The following CKM variants were observed in gnomAD, a reference collection of about 807,000 sequenced individuals.
The protein encoded by CKM is creatine kinase M-type.
Under a neutral mutation model 35.4 loss-of-function variants are expected in CKM, and 28 were observed. The observed-to-expected ratio is 0.79, with a 90% confidence interval of 0.59 to 1.08. CKM has a LOEUF of 1.08. Among genes scored for constraint, CKM ranks in the 50% least tolerant of loss-of-function variants. The pLI, the probability that CKM is intolerant of heterozygous loss-of-function variation, is 0.00. For synonymous variants in CKM, 215 were observed against 204.4 expected, an observed-to-expected ratio of 1.05 and a Z score of -0.44; for missense variants, 484 against 509.8, an observed-to-expected ratio of 0.95 and a Z score of 0.49.
chr19:45,315,848 C>A, intron 3 of CKM, among the ~76,000 whole-genome samples: 1 of 75,418 alleles, frequency 1.3e-5, no homozygotes, highest in Non-Finnish European at 3.7e-5. Flanking sequence ...TATTTCTTTT[C>A]CTTTTTTTTC....
At position 45,307,522 on chromosome 19, in the gene CKM, C is replaced by T. The variant is rs375831711; in HGVS notation, c.906G>A (p.Leu302=). The T allele has an allele frequency of 7.4e-6, 12 of 1,614,052 alleles. No homozygotes were observed. The highest frequency in any genetic ancestry group is 9.3e-6 in the Non-Finnish European group (11 of 1,179,930). Residue 302 remains leucine, a synonymous_variant, in exon 7 of 8, where the codon CTG becomes CTA. Transcript: ENST00000221476. ...RGGVHVKLAH[L]SKHPKFEEIL... ...TCTCCTCGAACTTGGGGTGCTTGCT[C>T]AGGTGCGCCAGCTTCACATGCACGC...
At chr19:45,319,489 A>T (rs774403797) in intron 2 of CKM, 32 bp downstream of exon 2, 2 of 1,578,588 alleles carry the variant, frequency 1.3e-6, no homozygotes, top group South Asian at 2.2e-5. Context: ...GCCCCCATGT[A>T]GCCCCTTCAG....
intron 4 of CKM, among the ~76,000 whole-genome samples, chr19:45,313,954 A>G (rs1422091460): frequency 1.3e-5 from 2 of 151,994 alleles, no homozygotes; most frequent in East Asian, 3.9e-4. Context: ...TAAGCCCAGG[A>G]GTTGGAGGTT....
chr19:45,314,249 C>A (rs1354686937), intron 4 of CKM, among the ~76,000 whole-genome samples: 1 of 152,106 alleles, frequency 6.6e-6, no homozygotes, highest in Non-Finnish European at 1.5e-5. Context: ...GATCAGTCAG[C>A]AGCCCATCAA....
chr19:45,318,268 T>G (rs769477627), intron 2 of CKM, among the ~76,000 whole-genome samples: 3 of 151,438 alleles, frequency 2.0e-5, no homozygotes, highest in Non-Finnish European at 4.4e-5. Flanking sequence ...ATTAGCTGGG[T>G]GTGGGGCACA....
chr19:45,319,852 A>G (rs969053234), intron 1 of CKM, 121 bp from the exon 2 acceptor site: 187 of 750,806 alleles, frequency 2.5e-4, no homozygotes, highest in Non-Finnish European at 6.1e-5. Flanking sequence ...GTGCAGTGGC[A>G]CGATCTCGGC....
In CKM at chr19:45,315,597, C is replaced by A; in HGVS notation, c.349G>T (p.Gly117Cys). The A allele has an allele frequency of 6.2e-7, 1 of 1,603,400 alleles. No homozygotes were observed. The highest frequency in any genetic ancestry group is 8.5e-7 in the Non-Finnish European group (1 of 1,179,922). Residue 117 changes from glycine (G) to cysteine (C), a missense_variant and splice_region_variant, in exon 4 of 8, where the codon GGT becomes TGT. Coordinates refer to ENST00000221476, the MANE Select transcript of CKM (RefSeq NM_001824.5). Reference sequence around the variant, plus strand: ...TAGTTAGGGTCCAGGTCGTCTCCACCCTGGAGAGCGGGTGGGAGATCAGGA... The same window carrying A: ...TAGTTAGGGTCCAGGTCGTCTCCACACTGGAGAGCGGGTGGGAGATCAGGA... ...KTDLNHENLK[G>C]GDDLDPNYVL...
rs1358679379 is a variant in CKM, at chr19:45,317,866, T to C, written c.307A>G (p.Thr103Ala). The change falls in exon 3 of 8, where the codon ACT (threonine) becomes GCT (alanine). Residue 103 changes from threonine (T) to alanine (A), a missense_variant. Coordinates refer to ENST00000221476, the MANE Select transcript of CKM (RefSeq NM_001824.5). Reference protein sequence around the residue: ...ISDRHGGYKPTDKHKTDLNHE... With the variant: ...ISDRHGGYKPADKHKTDLNHE... Reference sequence around the variant, plus strand: ...TTGAGGTCAGTCTTGTGCTTGTCAGTGGGTTTGTAGCCCCCGTGGCGATCC... The same window carrying C: ...TTGAGGTCAGTCTTGTGCTTGTCAGCGGGTTTGTAGCCCCCGTGGCGATCC... 1.9e-6 allele frequency: 3 copies of C among 1,614,000 alleles called. No individual in the cohort carries two copies. The highest frequency in any genetic ancestry group is 1.6e-4 in the Middle Eastern group (1 of 6,062).
At chr19:45,308,597 T>G in intron 5 of CKM, 65 bp from the exon 6 acceptor site, 2 of 1,577,948 alleles carry the variant, frequency 1.3e-6, no homozygotes, top group Non-Finnish European at 8.6e-7. Context: ...TTCCCAGCCC[T>G]CCCCCAAAAC....
chr19:45,322,222 C>CG (rs1568513775), intron 1 of CKM, among the ~76,000 whole-genome samples: 2 of 150,834 alleles, frequency 1.3e-5, no homozygotes, highest in African/African-American at 4.9e-5. Context: ...TGACCCCCCC[C>CG]ACAAGAGACA....
At chr19:45,319,423 G>A (rs940599532) in intron 2 of CKM, 98 bp downstream of exon 2, 10 of 928,394 alleles carry the variant, frequency 1.1e-5, no homozygotes, top group Admixed American at 8.9e-5. Flanking sequence ...TGAGAAAACT[G>A]AGGCCCCCCC....
Position 45,307,708 on chromosome 19 carries a change from G to A in CKM, c.778-58C>T, listed in dbSNP as rs149187786. The A allele has an allele frequency of 2.1e-3, 3,077 of 1,431,640 alleles. 36 individuals carry two copies. In the African/African-American group the frequency reaches 0.023, roughly 11 times the overall value. 88.7% of individuals were successfully genotyped at this position (1,431,640 alleles called of 1,614,324 possible). On this transcript the variant is annotated intron_variant, in intron 6 of 7. Coordinates refer to ENST00000221476, the MANE Select transcript of CKM (RefSeq NM_001824.5). ...CCGGCAGGCACCCCCAAATGCACCC[G>A]CAACATGGACAGGGTCCGGAGGGAC...
intron 6 of CKM, among the ~76,000 whole-genome samples, chr19:45,308,081 G>A (rs1230325970): frequency 6.6e-6 from 1 of 151,974 alleles, no homozygotes; most frequent in Non-Finnish European, 1.5e-5. Flanking sequence ...CACCATGTTG[G>A]CCAGGCTGGT....
chr19:45,310,759 CTTTTTTTTTTTTTTTTTT>C lies in CKM; in HGVS notation c.653+972_653+989del, dbSNP rs3047558. ...CACAGGTATACGCCATCACGCCTGG[CTTTTTTTTTTTTTTTTTT>C]TTTTTTTTTTTTTTGAGACGGAGTC... is the stretch of plus-strand genomic sequence containing the variant. On this transcript the variant is annotated intron_variant, in intron 5 of 7. Coordinates refer to ENST00000221476, the MANE Select transcript of CKM (RefSeq NM_001824.5). Among the ~76,000 whole-genome samples, 4 of 50,282 alleles carry C rather than the reference CTTTTTTTTTTTTTTTTTT, an allele frequency of 8.0e-5. No individual in the cohort carries two copies. The South Asian group carries it at 2.5e-3, about 32-fold the overall frequency. 33.0% of individuals were successfully genotyped at this position (50,282 alleles called of 152,430 possible). A position where few individuals can be genotyped will look rare whatever the true frequency, so the allele number is the denominator to read the frequency against.
Position 45,306,980 on chromosome 19 carries a change from C to T in CKM, c.968-52G>A, listed in dbSNP as rs750763277. ...AAGAGGCAGCGAAGGTGCAGAGGGG[C>T]TGGGACGTGGCCCCCGTGCCAAATG... On this transcript the variant is annotated intron_variant, in intron 7 of 7. Transcript: ENST00000221476. This position sits in a 1 kb window ranked among gnomAD's most constrained non-coding sequence, Gnocchi z 4.5. The T allele has an allele frequency of 1.9e-5, 31 of 1,595,894 alleles. No individual in the cohort carries two copies. The highest frequency in any genetic ancestry group is 2.6e-5 in the Non-Finnish European group (30 of 1,169,456).
At chr19:45,308,045 A>T (rs1007331523) in intron 6 of CKM, among the ~76,000 whole-genome samples, 5 of 151,868 alleles carry the variant, frequency 3.3e-5, no homozygotes, top group South Asian at 4.2e-4. Flanking sequence ...TTTATTTATT[A>T]ATTTTTTAGT....
rs764713046 is a variant in CKM at position 45,319,650 on chromosome 19, C to G, written c.64G>C (p.Asp22His). Residue 22 changes from aspartate (D) to histidine (H), a missense_variant, in exon 2 of 8, where the codon GAC becomes CAC. By Grantham distance (81) the Asp-to-His change is moderately conservative. Transcript: ENST00000221476. Reference protein sequence around the residue: ...LNYKPEEEYPDLSKHNNHMAK... With the variant: ...LNYKPEEEYPHLSKHNNHMAK... ...ATGTGGTTGTTATGTTTGCTGAGGT[C>G]GGGGTACTCCTCCTCAGGCTTGTAA... 6.2e-7 allele frequency: 1 copy of G among 1,614,088 alleles called. No individual in the cohort carries two copies. The highest frequency in any genetic ancestry group is 1.7e-5 in the Admixed American group (1 of 60,020).
intron 4 of CKM, among the ~76,000 whole-genome samples, chr19:45,314,212 A>G (rs1268838966): frequency 2.6e-5 from 4 of 152,158 alleles, no homozygotes; most frequent in Admixed American, 2.0e-4. Context: ...TGCCGCAGCC[A>G]TCTCAACCTT....
At chr19:45,314,886 C>A (rs560205) in intron 4 of CKM, among the ~76,000 whole-genome samples, 41,600 of 151,676 alleles carry the variant, frequency 0.27, 5,989 homozygotes, top group Non-Finnish European at 0.3. Flanking sequence ...TCATTTTTGT[C>A]TTTTTTGTAG....
Sources: allele counts gnomAD v4.1 joint callset (sites outside exome capture counted in the v4.1 genomes callset), GRCh38; gene constraint gnomAD v4.1.1; non-coding constraint Gnocchi (gnomAD v3.1); transcripts MANE v1.5; gene names NCBI Gene and HGNC (gene_info 2026-07-23, HGNC 2026-07-21).